EML5: variants seen among roughly 807,000 people sequenced by gnomAD.
EML5 encodes the protein echinoderm microtubule-associated protein-like 5.
Under a neutral mutation model 250.0 loss-of-function variants are expected in EML5, and 120 were observed. The ratio of observed to expected loss-of-function variants is 0.48; its 90% CI spans 0.41 to 0.56. The LOEUF (loss-of-function observed/expected upper bound fraction) is 0.56, where lower values mean the gene tolerates loss of function less well. Ranked by LOEUF, EML5 falls within the 20% of genes least tolerant of loss-of-function variation. EML5 has a pLI of 0.00. For synonymous variants in EML5, 771 were observed against 806.5 expected, an observed-to-expected ratio of 0.96 and a Z score of 0.75; for missense variants, 2,006 against 2,437.6, an observed-to-expected ratio of 0.82 and a Z score of 3.73.
Position 88,705,480 on chromosome 14 carries a change from A to G in EML5, c.1932+2T>C, listed in dbSNP as rs2093300183. 6.3e-7 allele frequency: 1 copy of G among 1,589,276 alleles called. No individual in the cohort carries two copies. The highest frequency in any genetic ancestry group is 1.3e-5 in the African/African-American group (1 of 74,640). On this transcript the variant is annotated splice_donor_variant, in intron 12 of 43. Transcript: ENST00000554922. LOFTEE classifies it high-confidence loss of function. The stretch of plus-strand genomic sequence containing the variant: ...GAAAAACCATGTGATATGGAAAATT[A>G]CCTGTCGACGGTAGGTGAGCTGTGT...
At chr14:88,736,047 C>G (rs1207651268) in intron 7 of EML5, among the ~76,000 whole-genome samples, 2 of 142,878 alleles carry the variant, frequency 1.4e-5, no homozygotes, top group Admixed American at 7.3e-5. Flanking sequence ...TGTTGCCAGG[C>G]TGGAATGCAG....
intron 17 of EML5, among the ~76,000 whole-genome samples, chr14:88,690,294 GATTT>G (rs1271760093): frequency 6.6e-6 from 1 of 152,222 alleles, no homozygotes; most frequent in Non-Finnish European, 1.5e-5. Flanking sequence ...TCTGGCAATT[GATTT>G]ATTAAGAGGT....
intron 2 of EML5, among the ~76,000 whole-genome samples, chr14:88,752,603 T>C (rs946183281): frequency 3.9e-5 from 6 of 152,152 alleles, no homozygotes; most frequent in African/African-American, 1.2e-4. Context: ...CTCTTACTAA[T>C]ATGAACAGGA....
chr14:88,743,348 T>C (rs781332355), intron 4 of EML5, among the ~76,000 whole-genome samples: 3 of 152,058 alleles, frequency 2.0e-5, no homozygotes, highest in Non-Finnish European at 4.4e-5. Flanking sequence ...TACATTTTTA[T>C]GTATCAAAAC....
At chr14:88,735,492 T>G (rs1316259882) in intron 7 of EML5, among the ~76,000 whole-genome samples, 1 of 152,202 alleles carries the variant, frequency 6.6e-6, no homozygotes, top group Non-Finnish European at 1.5e-5. Context: ...ATACATATTT[T>G]CAAATATAAC....
intron 22 of EML5, 88 bp downstream of exon 22, chr14:88,665,244 GATAAC>G (rs1259303176): frequency 1.4e-5 from 19 of 1,347,112 alleles, no homozygotes; most frequent in Non-Finnish European, 1.8e-5. Context: ...TAAGTTCTGA[GATAAC>G]ATAACAGTTA....
In EML5 at chr14:88,736,503, C is replaced by T; in HGVS notation, c.910G>A (p.Glu304Lys). 1 of 1,614,000 alleles carries T rather than the reference C, an allele frequency of 6.2e-7. No individual in the cohort carries two copies. The highest frequency in any genetic ancestry group is 8.5e-7 in the Non-Finnish European group (1 of 1,179,896). The change falls in exon 7 of 44, where the codon GAA becomes AAA. Residue 304 changes from glutamate to lysine, a missense_variant. Coordinates refer to ENST00000554922, the MANE Select transcript of EML5 (RefSeq NM_183387.3). ...TCTTGCACCACAATTTCAAAAATTT[C>T]ACTGTCCTGTGTTCCAACTAGAATG... ...DHILVGTQDS[E>K]IFEIVVQERN... is the part of the protein sequence containing the mutation.
intron 28 of EML5, 126 bp from the exon 29 acceptor site, chr14:88,647,081 T>C (rs2091383037): frequency 2.5e-6 from 2 of 814,462 alleles, no homozygotes; most frequent in Non-Finnish European, 3.6e-6. Flanking sequence ...TTGCATAATA[T>C]TAAAGGCCTG....
intron 1 of EML5, among the ~76,000 whole-genome samples, chr14:88,765,916 T>C (rs1192047569): frequency 6.6e-6 from 1 of 152,232 alleles, no homozygotes; most frequent in African/African-American, 2.4e-5. Flanking sequence ...GCTGAAGCCA[T>C]GGCAGAAGAA....
At chr14:88,776,739 G>T (rs1595864788) in intron 1 of EML5, among the ~76,000 whole-genome samples, 1 of 151,872 alleles carries the variant, frequency 6.6e-6, no homozygotes, top group Non-Finnish European at 1.5e-5. Context: ...AAATTAGCTG[G>T]GCATAGTGGC....
intron 21 of EML5, among the ~76,000 whole-genome samples, chr14:88,669,940 T>C (rs1206847189): frequency 6.6e-6 from 1 of 151,828 alleles, no homozygotes; most frequent in African/African-American, 2.4e-5. Flanking sequence ...TACCTCGAGG[T>C]GTGGGAGGGA....
rs777367934 is a variant in EML5 at position 88,746,303 on chromosome 14, T to C, written c.358-20A>G. On this transcript the variant is annotated intron_variant, in intron 2 of 43. Transcript: ENST00000554922. ...CAAGCGCTGATTTATGTCCAAGAAG[T>C]CCAGGAAGGAATAAAAAGGCAAACA... The C allele has an allele frequency of 6.3e-7, 1 of 1,595,778 alleles. No homozygotes were observed. The highest frequency in any genetic ancestry group is 8.5e-7 in the Non-Finnish European group (1 of 1,170,760).
intron 7 of EML5, among the ~76,000 whole-genome samples, 175 bp downstream of exon 7, chr14:88,736,189 C>T (rs570861497): frequency 2.3e-3 from 354 of 151,898 alleles, no homozygotes; most frequent in African/African-American, 6.8e-3. Context: ...TTAGTAGAGA[C>T]GGGGTTTCAC....
At chr14:88,787,104 G>GTTA (rs1463728909) in intron 1 of EML5, among the ~76,000 whole-genome samples, 7 of 152,256 alleles carry the variant, frequency 4.6e-5, no homozygotes, top group Admixed American at 4.6e-4. Flanking sequence ...TGCACACAAT[G>GTTA]TTACCTCTTC....
intron 1 of EML5, among the ~76,000 whole-genome samples, chr14:88,788,899 A>T (rs1293126121): frequency 8.8e-5 from 2 of 22,752 alleles, no homozygotes; most frequent in Admixed American, 1.1e-3. Flanking sequence ...ATCTTTACCG[A>T]AAAAAAAAAA....
chr14:88,635,123 C>T (rs2090649565), intron 32 of EML5, among the ~76,000 whole-genome samples: 1 of 152,054 alleles, frequency 6.6e-6, no homozygotes, highest in African/African-American at 2.4e-5. Flanking sequence ...ACCTAATAAC[C>T]AAACTTTTCA....
chr14:88,708,306 G>A (rs1284364903), intron 10 of EML5, among the ~76,000 whole-genome samples: 1 of 151,930 alleles, frequency 6.6e-6, no homozygotes, highest in East Asian at 1.9e-4. Flanking sequence ...CAAGTTACAT[G>A]CTTCCAGAAT....
intron 29 of EML5, among the ~76,000 whole-genome samples, chr14:88,645,610 G>A (rs1443851373): frequency 1.3e-5 from 2 of 152,108 alleles, no homozygotes; most frequent in African/African-American, 4.8e-5. Context: ...GTATTTATCT[G>A]TTTCTCCATG....
intron 17 of EML5, among the ~76,000 whole-genome samples, chr14:88,692,192 A>G (rs531586115): frequency 1.3e-5 from 2 of 152,284 alleles, no homozygotes; most frequent in East Asian, 3.9e-4. Flanking sequence ...CCTGGCCAAC[A>G]TGGTGAAACC....
Sources: allele counts gnomAD v4.1 joint callset (sites outside exome capture counted in the v4.1 genomes callset), GRCh38; gene constraint gnomAD v4.1.1; transcripts MANE v1.5; gene names NCBI Gene and HGNC (gene_info 2026-07-23, HGNC 2026-07-21).